PLCL1: variants seen among roughly 807,000 people sequenced by gnomAD.
The protein encoded by PLCL1 is phospholipase C like 1 (inactive), also known as inactive phospholipase C-like protein 1.
Under a neutral mutation model 84.4 loss-of-function variants are expected in PLCL1, and 41 were observed. The observed-to-expected ratio is 0.49, with a 90% CI of 0.38 to 0.63. PLCL1 has a LOEUF of 0.63. Ranked by LOEUF, PLCL1 falls within the 30% of genes least tolerant of loss-of-function variation. The pLI is 0.00. For synonymous variants in PLCL1, 490 were observed against 488.3 expected (o/e 1.00, Z -0.05); for missense variants, 1,206 against 1,367.8 (o/e 0.88, Z 1.87).
chr2:197,931,753 G>A (rs1385976765), intron 1 of PLCL1, among the ~76,000 whole-genome samples: 1 of 129,164 alleles, frequency 7.7e-6, no homozygotes, highest in Non-Finnish European at 1.5e-5. Context: ...ATAGGACAGA[G>A]GCCTTTATTC....
At chr2:197,974,644 C>T (rs1000173116) in intron 1 of PLCL1, among the ~76,000 whole-genome samples, 14 of 152,244 alleles carry the variant, frequency 9.2e-5, no homozygotes, top group African/African-American at 3.4e-4. Context: ...TTTTGCACCA[C>T]AGGGCTGCTG....
chr2:198,103,454 A>T (rs975405116), intron 4 of PLCL1, among the ~76,000 whole-genome samples: 1 of 151,994 alleles, frequency 6.6e-6, no homozygotes. Flanking sequence ...ATACTGTTTT[A>T]GTTACTTTTA....
intron 1 of PLCL1, among the ~76,000 whole-genome samples, chr2:197,898,179 T>C (rs1323641916): frequency 1.3e-5 from 2 of 152,192 alleles, no homozygotes; most frequent in Non-Finnish European, 2.9e-5. Context: ...TGTCCTGATC[T>C]GAACACCAAG....
intron 1 of PLCL1, among the ~76,000 whole-genome samples, chr2:198,040,911 G>T (rs558909122): frequency 3.6e-4 from 55 of 152,284 alleles, no homozygotes; most frequent in African/African-American, 1.3e-3. Context: ...GGGACTGATT[G>T]TGTCTACTCA....
chr2:198,140,696 A>G (rs1411984859), intron 5 of PLCL1, among the ~76,000 whole-genome samples: 1 of 152,118 alleles, frequency 6.6e-6, no homozygotes, highest in African/African-American at 2.4e-5. Flanking sequence ...GGCTTATTAA[A>G]CATGTCATCT....
chr2:197,897,115 T>TTCC (rs1688153065), intron 1 of PLCL1, among the ~76,000 whole-genome samples: 1 of 36,632 alleles, frequency 2.7e-5, no homozygotes, highest in African/African-American at 1.7e-4. Context: ...CTTCTTCTTC[T>TTCC]TCTTCTTCTT....
At chr2:197,978,226 C>A (rs111341179) in intron 1 of PLCL1, among the ~76,000 whole-genome samples, 7,036 of 152,244 alleles carry the variant, frequency 0.046, 543 homozygotes, top group African/African-American at 0.16. Flanking sequence ...CCTGTAATCC[C>A]AGAACTTTGG....
At chr2:197,950,696 AAT>A (rs1689372876) in intron 1 of PLCL1, among the ~76,000 whole-genome samples, 1 of 152,148 alleles carries the variant, frequency 6.6e-6, no homozygotes, top group African/African-American at 2.4e-5. Context: ...AGAATTAAAA[AAT>A]ATATTTTAAT....
At chr2:198,047,238 C>G (rs1347376254) in intron 1 of PLCL1, among the ~76,000 whole-genome samples, 2 of 151,914 alleles carry the variant, frequency 1.3e-5, no homozygotes, top group Admixed American at 6.6e-5. Flanking sequence ...GGCTGGAGTT[C>G]AGTGGCACGA....
chr2:197,885,782 C>T lies in PLCL1; in HGVS notation c.240+80443C>T, dbSNP rs140973595. The stretch of plus-strand genomic sequence containing the variant: ...GCTTGACATGTGCTTCCACCCTGCT[C>T]CTCTAAATAGACAAAAATTTTGGCC... On this transcript the variant is annotated intron_variant, in intron 1 of 5. Transcript: ENST00000428675. Among the ~76,000 whole-genome samples, 524 of 152,292 alleles carry T rather than the reference C, an allele frequency of 3.4e-3. 4 individuals carry two copies. Among genetic ancestry groups the T allele is most frequent in the African/African-American group, 0.012 (487 of 41,578 alleles).
At chr2:198,089,353 C>A (rs1692963423) in intron 3 of PLCL1, among the ~76,000 whole-genome samples, 1 of 152,208 alleles carries the variant, frequency 6.6e-6, no homozygotes, top group Non-Finnish European at 1.5e-5. Flanking sequence ...ATCTAAATGA[C>A]TTTAGAGTGC....
chr2:197,931,647 TCCAACCAA>T (rs1229606567), intron 1 of PLCL1, among the ~76,000 whole-genome samples: 13 of 145,924 alleles, frequency 8.9e-5, no homozygotes, highest in Non-Finnish European at 1.3e-4. Flanking sequence ...CCTACAACCA[TCCAACCAA>T]CCAACCAACC....
At position 197,994,416 on chromosome 2, in the gene PLCL1, G is replaced by T. The variant is rs145250746; in HGVS notation, c.241-89342G>T. ...ATGCAGTCCATATCCCTAAAAGTTT[G>T]TATATTTTGGTAAATATAAACACAT... On this transcript the variant is annotated intron_variant, in intron 1 of 5. Transcript: ENST00000428675. Among the ~76,000 whole-genome samples, 947 of 152,224 alleles carry T rather than the reference G, an allele frequency of 6.2e-3. 11 individuals are homozygous for T. The highest frequency in any genetic ancestry group is 0.022 in the African/African-American group (903 of 41,538).
intron 1 of PLCL1, among the ~76,000 whole-genome samples, chr2:198,017,010 C>T (rs184174574): frequency 4.0e-5 from 6 of 151,718 alleles, no homozygotes; most frequent in Non-Finnish European, 7.4e-5. Flanking sequence ...GGTGGGGAGG[C>T]GGTAATAGGG....
intron 1 of PLCL1, among the ~76,000 whole-genome samples, chr2:198,002,631 G>T (rs1031397708): frequency 2.6e-5 from 4 of 152,118 alleles, no homozygotes; most frequent in Non-Finnish European, 5.9e-5. Context: ...GGGGAAGAAG[G>T]GTGTTATTGT....
At chr2:197,918,429 T>C (rs562125514) in intron 1 of PLCL1, among the ~76,000 whole-genome samples, 8 of 152,284 alleles carry the variant, frequency 5.3e-5, no homozygotes, top group African/African-American at 1.9e-4. Flanking sequence ...AAATATGGAT[T>C]TTAGTTAATA....
At position 198,132,243 on chromosome 2, in the gene PLCL1, C is replaced by A. The variant is rs767172483; in HGVS notation, c.3106-14537C>A. ...TCACTGGTCAGCTACTGATTGGCCA[C>A]ACTTGGGCTGTGGTGAATCCTTGGT... On this transcript the variant is annotated intron_variant, in intron 5 of 5. Transcript: ENST00000428675. 6.6e-5 allele frequency among the ~76,000 whole-genome samples: 10 copies of A among 152,170 alleles called. No individual in the cohort carries two copies. The South Asian group carries it at 1.0e-3, about 16-fold the overall frequency.
intron 1 of PLCL1, among the ~76,000 whole-genome samples, chr2:197,872,555 A>T (rs1230541893): frequency 6.6e-6 from 1 of 152,102 alleles, no homozygotes; most frequent in Non-Finnish European, 1.5e-5. Flanking sequence ...CATTTACTAG[A>T]TTGTGATCAT....
In PLCL1 at chr2:198,063,939, A is replaced by G. The variant is rs74673018; in HGVS notation, c.241-19819A>G. ...AGAGCAAGTACTCCAGGAGTCAGAT[A>G]TCTGGGTTCCAATCTTGCTTTCACC... is the stretch of plus-strand genomic sequence containing the variant. On this transcript the variant is annotated intron_variant, in intron 1 of 5. Coordinates refer to ENST00000428675, the MANE Select transcript of PLCL1 (RefSeq NM_006226.4). Among the ~76,000 whole-genome samples, 412 of 152,336 alleles carry G rather than the reference A, an allele frequency of 2.7e-3. 1 individual carries two copies. Among genetic ancestry groups the G allele is most frequent in the African/African-American group, 9.7e-3 (402 of 41,576 alleles).
Sources: gnomAD v4.1 joint callset for allele counts (sites outside exome capture counted in the v4.1 genomes callset) on GRCh38, gnomAD v4.1.1 for gene constraint, MANE v1.5 for transcripts, NCBI Gene and HGNC (gene_info 2026-07-23, HGNC 2026-07-21) for gene names.